The following LRCH3 variants were observed in gnomAD, a reference collection of about 807,000 sequenced individuals.
LRCH3 encodes leucine rich repeats and calponin homology domain containing 3.
A neutral mutation model predicts 104.5 loss-of-function variants in LRCH3; 68 were observed. The ratio of observed to expected loss-of-function variants is 0.65; its 90% CI spans 0.54 to 0.80. The LOEUF (loss-of-function observed/expected upper bound fraction) is 0.80. LRCH3 is among the 30% of genes least tolerant of loss of function. The pLI, the probability that LRCH3 is intolerant of heterozygous loss-of-function variation, is 0.00. For missense variants in LRCH3, 951 were observed against 953.9 expected (o/e 1.00, Z 0.04); for synonymous variants, 344 against 361.3 (o/e 0.95, Z 0.54).
At chr3:197,815,170 A>G (rs1733663237) in intron 2 of LRCH3, 118 bp downstream of exon 2, 1 of 570,868 alleles carries the variant, frequency 1.8e-6, no homozygotes, top group Non-Finnish European at 2.9e-6. Flanking sequence ...CAGTTTCTGT[A>G]TGTGCTCTTG....
At chr3:197,863,407 G>A (rs1442053153) in intron 15 of LRCH3, among the ~76,000 whole-genome samples, 4 of 152,074 alleles carry the variant, frequency 2.6e-5, no homozygotes, top group East Asian at 1.9e-4. Context: ...GACTACAGGC[G>A]CCACCACCAT....
Position 197,885,227 on chromosome 3 carries a change from A to G in LRCH3, c.*1561A>G, listed in dbSNP as rs183656106. 6.6e-6 allele frequency: 1 copy of G among 152,372 alleles called. No individual in the cohort carries two copies. Among genetic ancestry groups the G allele is most frequent in the East Asian group, 1.9e-4 (1 of 5,188 alleles). The allele number at this position is 152,372 out of a possible 1,614,324, so 9.4% of individuals were successfully genotyped here. ...CTGGGCCTGCAGACACATTGCAGTT[A>G]CAGCACATACACTTCTAGCTCGGAA... On this transcript the variant is annotated 3_prime_UTR_variant, in exon 21 of 21. Coordinates refer to ENST00000425562, the MANE Select transcript of LRCH3 (RefSeq NM_001365715.1).
At chr3:197,848,114 G>A in intron 12 of LRCH3, 93 bp downstream of exon 12, 3 of 1,309,604 alleles carry the variant, frequency 2.3e-6, no homozygotes, top group Non-Finnish European at 3.2e-6. Flanking sequence ...CCATTAAAAT[G>A]TCGACCATTT....
intron 14 of LRCH3, 63 bp from the exon 15 acceptor site, chr3:197,858,771 T>A: frequency 7.6e-7 from 1 of 1,321,876 alleles, no homozygotes; most frequent in South Asian, 1.2e-5. Context: ...CAGATCTGCC[T>A]GCCTGACATT....
chr3:197,841,831 G>GTT (rs959285230), intron 10 of LRCH3, among the ~76,000 whole-genome samples: 1 of 151,820 alleles, frequency 6.6e-6, no homozygotes, highest in African/African-American at 2.4e-5. Context: ...GTTTTGTTTT[G>GTT]TTTTGTTTTG....
intron 7 of LRCH3, 56 bp downstream of exon 7, chr3:197,830,919 G>T: frequency 1.4e-6 from 2 of 1,398,760 alleles, no homozygotes; most frequent in Non-Finnish European, 2.0e-6. Context: ...AAAACAGAAT[G>T]ATGAAAATGA....
intron 9 of LRCH3, among the ~76,000 whole-genome samples, chr3:197,838,015 G>C (rs1737113506): frequency 1.3e-5 from 2 of 151,898 alleles, no homozygotes; most frequent in Non-Finnish European, 2.9e-5. Flanking sequence ...AGCCGAGATT[G>C]TGCTACTGCA....
chr3:197,855,542 A>G (rs1322096730), intron 14 of LRCH3, among the ~76,000 whole-genome samples: 1 of 152,212 alleles, frequency 6.6e-6, no homozygotes, highest in Admixed American at 6.5e-5. Flanking sequence ...ATAGACAGTA[A>G]GTGCAAGGCT....
intron 1 of LRCH3, among the ~76,000 whole-genome samples, chr3:197,792,909 C>G (rs1002195257): frequency 6.6e-6 from 1 of 151,930 alleles, no homozygotes; most frequent in Non-Finnish European, 1.5e-5. Context: ...GCCTCGGCCT[C>G]CCAAAGTGCT....
intron 1 of LRCH3, among the ~76,000 whole-genome samples, chr3:197,814,373 G>A (rs1372751677): frequency 6.6e-6 from 1 of 152,232 alleles, no homozygotes; most frequent in African/African-American, 2.4e-5. Context: ...CTCCCACAGC[G>A]TGGGGGAATT....
Position 197,848,025 on chromosome 3 carries a change from A to G in LRCH3, c.1530+4A>G. The G allele has an allele frequency of 6.2e-7, 1 of 1,613,882 alleles. No homozygotes were observed. The highest frequency in any genetic ancestry group is 8.5e-7 in the Non-Finnish European group (1 of 1,179,890). ...TGCTGTCCTGGACTTTGTCAAAGTG[A>G]GTCGTTTGAATGATGCTGTTCAAGC... On this transcript the variant is annotated splice_donor_region_variant and intron_variant, in intron 12 of 20. Coordinates refer to ENST00000425562, the MANE Select transcript of LRCH3 (RefSeq NM_001365715.1).
chr3:197,818,485 T>C (rs1734110907), intron 3 of LRCH3, among the ~76,000 whole-genome samples: 1 of 152,176 alleles, frequency 6.6e-6, no homozygotes, highest in African/African-American at 2.4e-5. Context: ...GTTGGATCAC[T>C]TTTTCCAGGT....
chr3:197,850,200 A>G (rs1326727205), intron 12 of LRCH3, among the ~76,000 whole-genome samples: 2 of 152,180 alleles, frequency 1.3e-5, no homozygotes, highest in African/African-American at 4.8e-5. Flanking sequence ...GAGAGTTTGT[A>G]TTGAAGACTT....
chr3:197,880,856 C>A (rs1713697292), intron 20 of LRCH3: 1 of 1,450,552 alleles, frequency 6.9e-7, no homozygotes, highest in African/African-American at 1.4e-5. Context: ...TAAATCCTTT[C>A]TTTATATTTG....
intron 1 of LRCH3, among the ~76,000 whole-genome samples, chr3:197,814,192 T>C (rs916471038): frequency 6.6e-6 from 1 of 152,174 alleles, no homozygotes; most frequent in Non-Finnish European, 1.5e-5. Flanking sequence ...CTCAGAATCA[T>C]GGCGGGAGGC....
chr3:197,859,095 A>G, intron 15 of LRCH3, 190 bp downstream of exon 15: 1 of 581,964 alleles, frequency 1.7e-6, no homozygotes. Flanking sequence ...AGAGATAGTC[A>G]TAGAGCTCAC....
intron 3 of LRCH3, among the ~76,000 whole-genome samples, chr3:197,819,878 TA>T (rs958661993): frequency 2.0e-5 from 3 of 151,878 alleles, no homozygotes; most frequent in Non-Finnish European, 4.4e-5. Context: ...TTTTTCTTTT[TA>T]AAAAAAAGAA....
chr3:197,880,149 G>T (rs547010062), intron 20 of LRCH3, among the ~76,000 whole-genome samples: 13 of 151,372 alleles, frequency 8.6e-5, no homozygotes, highest in South Asian at 4.2e-4. Context: ...GTTTCACCGT[G>T]TTAGCCGGGA....
intron 6 of LRCH3, 90 bp downstream of exon 6, chr3:197,829,763 A>T (rs1160596699): frequency 1.3e-5 from 11 of 845,186 alleles, no homozygotes; most frequent in Non-Finnish European, 2.0e-5. Flanking sequence ...TGTTTGACTA[A>T]AGGGAAATAA....
Sources: allele counts gnomAD v4.1 joint callset (sites outside exome capture counted in the v4.1 genomes callset), GRCh38; gene constraint gnomAD v4.1.1; transcripts MANE v1.5; gene names NCBI Gene and HGNC (gene_info 2026-07-23, HGNC 2026-07-21).